Variants in ATP2C1 observed in about 807,000 individuals in gnomAD.
ATP2C1 encodes calcium-transporting ATPase type 2C member 1.
In ATP2C1, 31 loss-of-function variants were observed where a neutral mutation model predicts 120.5. That is an observed-to-expected ratio of 0.26 (90% CI 0.19 to 0.35). ATP2C1 has a LOEUF of 0.35. Among genes scored for constraint, ATP2C1 ranks in the 10% least tolerant of loss-of-function variants. ATP2C1 has a pLI of 1.00. For missense variants in ATP2C1, 731 were observed against 1,107.5 expected (o/e 0.66, Z 4.83); for synonymous variants, 351 against 358.7 (o/e 0.98, Z 0.24).
chr3:130,918,587 G>T (rs188766473), intron 2 of ATP2C1: 114 of 718,072 alleles, frequency 1.6e-4, no homozygotes, highest in Admixed American at 4.8e-4. Flanking sequence ...GCCATAAACT[G>T]TAGCCTTTTG....
intron 2 of ATP2C1, chr3:130,928,160 CAA>C (rs1417643023): frequency 6.6e-6 from 1 of 152,262 alleles, no homozygotes; most frequent in Admixed American, 6.5e-5. Context: ...TGTGGAATGA[CAA>C]AGTTAAATAT....
chr3:130,941,765 T>A, intron 8 of ATP2C1, 66 bp downstream of exon 8: 1 of 1,278,288 alleles, frequency 7.8e-7, no homozygotes, highest in Non-Finnish European at 1.1e-6. Flanking sequence ...TAAACATTAC[T>A]AGTTTTAAGG....
At chr3:130,891,987 A>G (rs1424628348), upstream of ATP2C1, among the ~76,000 whole-genome samples, 1 of 152,190 alleles carries the variant, frequency 6.6e-6, no homozygotes, top group Non-Finnish European at 1.5e-5. Flanking sequence ...TGATCTTACC[A>G]GTTTCTTTTT....
exon 27 of ATP2C1, chr3:131,016,328 G>A (rs1412410596): frequency 1.2e-5 from 20 of 1,613,980 alleles, no homozygotes; most frequent in Non-Finnish European, 1.7e-5. Context: ...TCTTCCTGCA[G>A]CTCTTCCTTA....
intron 1 of ATP2C1, among the ~76,000 whole-genome samples, chr3:130,882,562 G>A (rs1254611593): frequency 6.6e-6 from 1 of 152,090 alleles, no homozygotes; most frequent in Non-Finnish European, 1.5e-5. Context: ...TTTTAATCAT[G>A]AACAGATGTT....
chr3:130,887,494 TCTAC>T (rs2069014658), intron 1 of ATP2C1, among the ~76,000 whole-genome samples: 1 of 152,158 alleles, frequency 6.6e-6, no homozygotes, highest in Non-Finnish European at 1.5e-5. Context: ...TCCTTGTATG[TCTAC>T]CTGACGTTTT....
chr3:130,959,200 A>G, intron 11 of ATP2C1, 75 bp from the exon 12 acceptor site: 1 of 1,125,458 alleles, frequency 8.9e-7, no homozygotes, highest in Non-Finnish European at 1.3e-6. Flanking sequence ...GACGTTTTAG[A>G]TTCCTTCAGC....
Position 130,868,024 on chromosome 3 carries a change from C to T in ATP2C1, c.108+17096C>T, listed in dbSNP as rs546136748. The stretch of plus-strand genomic sequence containing the variant: ...GAAACCCTCTGCCTGGCAACCGCCC[C>T]GTCTGAGAAGTGAGGAGCCCCTCCG... On this transcript the variant is annotated intron_variant, in intron 1 of 26. Coordinates refer to the ATP2C1 transcript ENST00000504381. 1.2e-3 allele frequency: 191 copies of T among 158,960 alleles called. 1 individual carries two copies. Among genetic ancestry groups the T allele is most frequent in the Non-Finnish European group, 2.2e-3 (162 of 72,628 alleles). 9.8% of individuals were successfully genotyped at this position (158,960 alleles called of 1,614,324 possible).
At chr3:130,942,473 C>T (rs1480520873) in intron 8 of ATP2C1, among the ~76,000 whole-genome samples, 1 of 152,162 alleles carries the variant, frequency 6.6e-6, no homozygotes, top group Non-Finnish European at 1.5e-5. Context: ...GTCTTATCCA[C>T]CATTGGAATT....
At chr3:130,958,347 T>G (rs1167799003) in intron 11 of ATP2C1, among the ~76,000 whole-genome samples, 1 of 152,110 alleles carries the variant, frequency 6.6e-6, no homozygotes, top group Non-Finnish European at 1.5e-5. Context: ...TGTAAATAAA[T>G]GAGTGTGGCT....
chr3:130,988,790 C>T (rs2062149564), intron 20 of ATP2C1, among the ~76,000 whole-genome samples: 1 of 152,166 alleles, frequency 6.6e-6, no homozygotes, highest in South Asian at 2.1e-4. Flanking sequence ...TAGGCCACAT[C>T]CTTAATCCTG....
intron 2 of ATP2C1, among the ~76,000 whole-genome samples, chr3:130,913,143 G>A (rs2058518158): frequency 6.7e-6 from 1 of 149,686 alleles, no homozygotes; most frequent in Non-Finnish European, 1.5e-5. Context: ...TATACCTAAT[G>A]CTAGATGACG....
rs373283492 is a variant in ATP2C1 at position 130,894,195 on chromosome 3, G to T, written c.-323G>T. 20 of 934,110 alleles carry T rather than the reference G, an allele frequency of 2.1e-5. No homozygotes were observed. The East Asian group carries it at 2.2e-3, about 103-fold the overall frequency. 57.9% of individuals were successfully genotyped at this position (934,110 alleles called of 1,614,324 possible). A position where few individuals can be genotyped will look rare whatever the true frequency, so the allele number is the denominator to read the frequency against. ...CTCCCTCCCTTCCTCCCTCCCGCTC[G>T]CTTCTTCTCACGCCGGGAGCAGGCT... On this transcript the variant is annotated 5_prime_UTR_variant, in exon 1 of 28. Coordinates refer to ENST00000510168, the MANE Select transcript of ATP2C1 (RefSeq NM_001378687.1). The surrounding 1 kb of genome is among the most constrained non-coding windows in gnomAD (Gnocchi z 4.5).
chr3:130,930,688 C>T (rs1018249769), intron 3 of ATP2C1, among the ~76,000 whole-genome samples, 162 bp downstream of exon 3: 2 of 152,124 alleles, frequency 1.3e-5, no homozygotes, highest in Non-Finnish European at 2.9e-5. Context: ...TTGAGCTTGA[C>T]ATGGGGTTAA....
At chr3:130,880,452 T>C (rs182264751) in intron 1 of ATP2C1, among the ~76,000 whole-genome samples, 3 of 152,278 alleles carry the variant, frequency 2.0e-5, no homozygotes, top group East Asian at 1.9e-4. Flanking sequence ...TAAAATATGA[T>C]ACAGGCTACA....
intron 1 of ATP2C1, among the ~76,000 whole-genome samples, chr3:130,862,140 A>ATTT (rs961006271): frequency 7.2e-6 from 1 of 138,268 alleles, no homozygotes; most frequent in Non-Finnish European, 1.6e-5. Context: ...TGCCTGGCTA[A>ATTT]TTTTTTTTTT....
chr3:130,893,680 C>T (rs1696012930), upstream of ATP2C1, among the ~76,000 whole-genome samples: 1 of 152,238 alleles, frequency 6.6e-6, no homozygotes, highest in African/African-American at 2.4e-5. Flanking sequence ...GGGACAGCGG[C>T]CATGACTCTC....
chr3:130,979,145 A>G, intron 18 of ATP2C1, 104 bp from the exon 19 acceptor site: 6 of 1,083,398 alleles, frequency 5.5e-6, no homozygotes, highest in Non-Finnish European at 8.4e-6. Flanking sequence ...GTCTTAAGTG[A>G]TTTATTTAAG....
chr3:130,984,483 C>T (rs1369213244), intron 20 of ATP2C1, among the ~76,000 whole-genome samples: 1 of 152,160 alleles, frequency 6.6e-6, no homozygotes, highest in Non-Finnish European at 1.5e-5. Context: ...GTCCCTAGAC[C>T]TCCAGCCCCA....
Sources: allele counts gnomAD v4.1 joint callset (sites outside exome capture counted in the v4.1 genomes callset), GRCh38; gene constraint gnomAD v4.1.1; non-coding constraint Gnocchi (gnomAD v3.1); transcripts MANE v1.5; gene names NCBI Gene and HGNC (gene_info 2026-07-23, HGNC 2026-07-21).